Variants in WASHC4 observed in about 807,000 individuals in gnomAD.
The protein encoded by WASHC4 is WASH complex subunit 4, also known as WASH complex subunit 7.
Under a neutral mutation model 166.6 loss-of-function variants are expected in WASHC4, and 86 were observed. The ratio of observed to expected loss-of-function variants is 0.52; its 90% confidence interval spans 0.43 to 0.62. The LOEUF is 0.62. WASHC4 is among the 20% of genes least tolerant of loss of function. The probability of loss-of-function intolerance (pLI) is 0.00; values close to 1 mark genes in which losing one functional copy is unlikely to be tolerated. For missense variants in WASHC4, 1,262 were observed against 1,382.4 expected (o/e 0.91, Z 1.38); for synonymous variants, 446 against 451.6 (o/e 0.99, Z 0.16).
chr12:105,121,186 A>C lies in WASHC4; in HGVS notation c.647A>C (p.His216Pro), dbSNP rs969499699. 1 of 1,589,370 alleles carries C rather than the reference A, an allele frequency of 6.3e-7. No individual in the cohort carries two copies. Among genetic ancestry groups the C allele is most frequent in the Middle Eastern group, 1.7e-4 (1 of 6,030 alleles). Reference protein sequence around the residue: ...IIDNHITLKDHWTMYKRLLKS... With the variant: ...IIDNHITLKDPWTMYKRLLKS... Reference sequence around the variant, plus strand: ...GATAATCATATCACACTGAAAGACCACTGGACTATGTACAAAAGGTACACC... The same window carrying C: ...GATAATCATATCACACTGAAAGACCCCTGGACTATGTACAAAAGGTACACC... The change falls in exon 9 of 33, where the codon CAC (histidine) becomes CCC (proline). Residue 216 changes from histidine to proline, a missense_variant. Transcript: ENST00000332180.
chr12:105,115,633 A>G (rs781363166), intron 5 of WASHC4, 28 bp from the exon 6 acceptor site: 2 of 1,558,660 alleles, frequency 1.3e-6, no homozygotes, highest in Non-Finnish European at 1.8e-6. Flanking sequence ...AAAAAATGAA[A>G]TATGCTTATT....
At chr12:105,133,488 A>G (rs1365634679) in intron 13 of WASHC4, among the ~76,000 whole-genome samples, 6 of 152,050 alleles carry the variant, frequency 3.9e-5, no homozygotes, top group Admixed American at 3.9e-4. Context: ...TGATTTCATT[A>G]TTATACAGCT....
Position 105,141,204 on chromosome 12 carries a change from T to C in WASHC4, c.1745T>C (p.Val582Ala). 1.9e-6 allele frequency: 3 copies of C among 1,613,488 alleles called. No individual in the cohort carries two copies. The highest frequency in any genetic ancestry group is 2.5e-6 in the Non-Finnish European group (3 of 1,179,408). ...GATGAAGAACTCTTTCCACTTCAAG[T>C]AGTCATGAAAAAACTGGATCTTATT... ...FKDEELFPLQ[V>A]VMKKLDLISE... The change falls in exon 18 of 33, where the codon GTA becomes GCA. Residue 582 changes from valine (V) to alanine (A), a missense_variant. Physicochemically the swap from Val to Ala is moderately conservative, Grantham distance 64. Transcript: ENST00000332180.
Position 105,127,216 on chromosome 12 carries a change from G to A in WASHC4, c.1126G>A (p.Asp376Asn). 6.2e-7 allele frequency: 1 copy of A among 1,612,532 alleles called. No individual in the cohort carries two copies. The highest frequency in any genetic ancestry group is 1.3e-5 in the African/African-American group (1 of 74,972). ...AATACCAGCAGCTGCCAAACTGCTA[G>A]ACAGAAAAAGTCTTCAAGCCATTAA... Reference protein sequence around the residue: ...QKIPAAAKLLDRKSLQAIKIH... With the variant: ...QKIPAAAKLLNRKSLQAIKIH... Residue 376 changes from aspartate (D) to asparagine (N), a missense_variant, in exon 13 of 33, where the codon GAC (aspartate) becomes AAC (asparagine). Coordinates refer to ENST00000332180, the MANE Select transcript of WASHC4 (RefSeq NM_015275.3).
At chr12:105,114,020 G>A (rs1284017544) in intron 2 of WASHC4, among the ~76,000 whole-genome samples, 196 bp from the exon 3 acceptor site, 1 of 151,954 alleles carries the variant, frequency 6.6e-6, no homozygotes, top group African/African-American at 2.4e-5. Flanking sequence ...AGTCGTGATT[G>A]TGTCATGTTG....
In WASHC4 at chr12:105,167,812, AT is replaced by A. The variant is rs1884887721; in HGVS notation, c.*884del. ...AGACTTTTTTTTTATATCAAGTATA[AT>A]TTAAAACATCAGATTAAATAATTAC... On this transcript the variant is annotated 3_prime_UTR_variant, in exon 33 of 33. Coordinates refer to ENST00000332180, the MANE Select transcript of WASHC4 (RefSeq NM_015275.3). The A allele has an allele frequency of 1.3e-5, 2 of 152,522 alleles. No homozygotes were observed. Among genetic ancestry groups the A allele is most frequent in the South Asian group, 4.1e-4 (2 of 4,834 alleles). The allele number at this position is 152,522 out of a possible 1,614,324, so 9.4% of individuals were successfully genotyped here. A position where few individuals can be genotyped will look rare whatever the true frequency, so the allele number is the denominator to read the frequency against.
At chr12:105,127,352 T>C (rs1881383905) in intron 13 of WASHC4, 63 bp downstream of exon 13, 1 of 1,117,570 alleles carries the variant, frequency 8.9e-7, no homozygotes, top group South Asian at 1.3e-5. Context: ...AAGATTATAC[T>C]AACACTTAAT....
At position 105,140,982 on chromosome 12, in the gene WASHC4, T is replaced by C. The variant is rs767441897; in HGVS notation, c.1644T>C (p.Asn548=). The change falls in exon 17 of 33, where the codon AAT becomes AAC. Residue 548 remains asparagine, a synonymous_variant. Transcript: ENST00000332180. ...TAGTTTTGGCTGAAAACACTCTAAA[T>C]GGACCAAGCACAAAGCAACGGCGAC... ...SALVLAENTL[N]GPSTKQRRLI... 1.3e-5 allele frequency: 21 copies of C among 1,614,176 alleles called. No individual in the cohort carries two copies. The highest frequency in any genetic ancestry group is 1.8e-5 in the Non-Finnish European group (21 of 1,180,018).
Position 105,132,247 on chromosome 12 carries a change from C to A in WASHC4, c.1200-1523C>A, listed in dbSNP as rs529387889. On this transcript the variant is annotated intron_variant, in intron 13 of 32. Transcript: ENST00000332180. ...GCAGTGGCGTGATCTTAGCTCACTGCAATCTCTTCCGCCTCCCGGGTTTAA... is the reference window on the plus strand; with the variant it reads ...GCAGTGGCGTGATCTTAGCTCACTGAAATCTCTTCCGCCTCCCGGGTTTAA... Among the ~76,000 whole-genome samples, 47 of 152,352 alleles carry A rather than the reference C, an allele frequency of 3.1e-4. No individual in the cohort carries two copies. In the East Asian group the frequency reaches 8.7e-3, roughly 28 times the overall value.
At chr12:105,130,553 T>TAA (rs1881704486) in intron 13 of WASHC4, among the ~76,000 whole-genome samples, 1 of 152,220 alleles carries the variant, frequency 6.6e-6, no homozygotes, top group Admixed American at 6.5e-5. Flanking sequence ...TTCACTCCAC[T>TAA]AAAGTGAAAC....
In WASHC4 at chr12:105,140,231, T is replaced by G. The variant is rs191893855; in HGVS notation, c.1453-63T>G. Reference sequence around the variant, plus strand: ...TCCCTAGCCTAAGGTCGTAAAGATCTTCTATAATTTTGCCTGAAATTTTTA... The same window carrying G: ...TCCCTAGCCTAAGGTCGTAAAGATCGTCTATAATTTTGCCTGAAATTTTTA... On this transcript the variant is annotated intron_variant, in intron 15 of 32. Transcript: ENST00000332180. The G allele has an allele frequency of 1.3e-3, 1,563 of 1,163,634 alleles. 10 individuals carry two copies. The African/African-American group carries it at 0.02, about 15-fold the overall frequency. 72.1% of individuals were successfully genotyped at this position (1,163,634 alleles called of 1,614,324 possible). A position where few individuals can be genotyped will look rare whatever the true frequency, so the allele number is the denominator to read the frequency against.
At chr12:105,117,720 C>G (rs1215100746) in intron 6 of WASHC4, among the ~76,000 whole-genome samples, 1 of 152,172 alleles carries the variant, frequency 6.6e-6, no homozygotes, top group Non-Finnish European at 1.5e-5. Flanking sequence ...ACAACACCAA[C>G]AGAAATTCCT....
At chr12:105,156,017 G>A (rs112804114) in intron 26 of WASHC4, among the ~76,000 whole-genome samples, 47 of 152,318 alleles carry the variant, frequency 3.1e-4, no homozygotes, top group East Asian at 2.7e-3. Context: ...GGATTGGATA[G>A]GAGGATATCT....
intron 29 of WASHC4, among the ~76,000 whole-genome samples, chr12:105,160,548 C>T (rs904689027): frequency 1.1e-4 from 16 of 152,162 alleles, no homozygotes; most frequent in African/African-American, 3.6e-4. Flanking sequence ...TATGGGGTCT[C>T]ACTGTGTAGC....
Position 105,157,243 on chromosome 12 carries a change from C to G in WASHC4, c.2833C>G (p.Pro945Ala). 1 of 1,503,820 alleles carries G rather than the reference C, an allele frequency of 6.6e-7. No homozygotes were observed. The highest frequency in any genetic ancestry group is 9.2e-7 in the Non-Finnish European group (1 of 1,082,718). The allele number at this position is 1,503,820 out of a possible 1,614,324, so 93.2% of individuals were successfully genotyped here. A position where few individuals can be genotyped will look rare whatever the true frequency, so the allele number is the denominator to read the frequency against. ...HCSSNAIRFV[P>A]DLEDIVNFEE... ...TCCCAAATTCTTATGTAGATTTGTT[C>G]CTGATCTTGAAGATATTGTAAATTT... Residue 945 changes from proline to alanine, a missense_variant, in exon 28 of 33, where the codon CCT becomes GCT. Physicochemically the swap from Pro to Ala is conservative, Grantham distance 27. Transcript: ENST00000332180.
Position 105,157,291 on chromosome 12 carries a change from G to T in WASHC4, c.2881G>T (p.Gly961Cys). The T allele has an allele frequency of 6.4e-7, 1 of 1,563,392 alleles. No homozygotes were observed. Among genetic ancestry groups the T allele is most frequent in the Non-Finnish European group, 8.8e-7 (1 of 1,138,000 alleles). The change falls in exon 28 of 33, where the codon GGT becomes TGT. Residue 961 changes from glycine (G) to cysteine (C), a missense_variant. Coordinates refer to ENST00000332180, the MANE Select transcript of WASHC4 (RefSeq NM_015275.3). ...TTTTGAAGAACTAGTAAAAGAAGAA[G>T]GTCTTGCAGAAGAAACATTAAAAGC... ...VNFEELVKEE[G>C]LAEETLKAAR... is the part of the protein sequence containing the mutation.
chr12:105,118,593 T>A, intron 7 of WASHC4, 65 bp downstream of exon 7: 1 of 899,590 alleles, frequency 1.1e-6, no homozygotes, highest in Non-Finnish European at 1.9e-6. Flanking sequence ...TTTCTAAAAT[T>A]AATAACTTGT....
intron 15 of WASHC4, among the ~76,000 whole-genome samples, chr12:105,139,425 G>GTGTGTGTGTGTGTGTGTGTATATA: frequency 9.7e-6 from 1 of 103,226 alleles, no homozygotes; most frequent in Non-Finnish European, 2.0e-5. Flanking sequence ...ATGTGTGTGT[G>GTGTGTGTGTGTGTGTGTGTATATA]TATATATATA....
At chr12:105,122,759 T>C (rs191761268) in intron 10 of WASHC4, among the ~76,000 whole-genome samples, 26 of 152,302 alleles carry the variant, frequency 1.7e-4, no homozygotes, top group African/African-American at 5.8e-4. Context: ...GTAATTGTTC[T>C]GGGGTGCTAC....
Sources: allele counts gnomAD v4.1 joint callset (sites outside exome capture counted in the v4.1 genomes callset), GRCh38; gene constraint gnomAD v4.1.1; transcripts MANE v1.5; gene names NCBI Gene and HGNC (gene_info 2026-07-23, HGNC 2026-07-21).